PRR14L: variants seen among roughly 807,000 people sequenced by gnomAD.
The protein encoded by PRR14L is proline rich 14 like.
In PRR14L, 80 loss-of-function variants were observed where a neutral mutation model predicts 155.0. The ratio of observed to expected loss-of-function variants is 0.52; its 90% confidence interval spans 0.43 to 0.62. The LOEUF is 0.62. PRR14L is among the 20% of genes least tolerant of loss of function. The pLI, the probability that PRR14L is intolerant of heterozygous loss-of-function variation, is 0.00. For synonymous variants in PRR14L, 883 were observed against 916.0 expected (o/e 0.96, Z 0.65); for missense variants, 2,469 against 2,548.0 (o/e 0.97, Z 0.67).
At chr22:31,725,374 C>A (rs922474009) in intron 3 of PRR14L, among the ~76,000 whole-genome samples, 164 bp downstream of exon 3, 36 of 152,060 alleles carry the variant, frequency 2.4e-4, no homozygotes, top group African/African-American at 8.2e-4. Flanking sequence ...CATCCATGGG[C>A]AATACTAAGA....
At chr22:31,719,893 T>A (rs2074681029) in intron 3 of PRR14L, among the ~76,000 whole-genome samples, 1 of 152,142 alleles carries the variant, frequency 6.6e-6, no homozygotes, top group African/African-American at 2.4e-5. Context: ...CACGCCACCA[T>A]GTCCGGCTAA....
rs1034084794 is a variant in PRR14L at position 31,713,334 on chromosome 22, C to G, written c.4505G>C (p.Gly1502Ala). ...PRKAQDPSSA[G>A]CDQIHGAFAK... The stretch of plus-strand genomic sequence containing the variant: ...AAAGGCACCATGTATTTGATCACAC[C>G]CAGCAGAGGAGGGGTCTTGTGCTTT... The change falls in exon 4 of 9, where the codon GGG (glycine) becomes GCG (alanine). Residue 1502 changes from glycine to alanine, a missense_variant. Around this residue, in one of 2 missense-constraint regions of PRR14L, gnomAD observed 2,363 missense variants for 2,371.6 expected, o/e 1.00. Coordinates refer to ENST00000327423, the MANE Select transcript of PRR14L (RefSeq NM_173566.3). The G allele has an allele frequency of 1.3e-6, 2 of 1,552,214 alleles. No individual in the cohort carries two copies. Among genetic ancestry groups the G allele is most frequent in the African/African-American group, 2.7e-5 (2 of 73,130 alleles).
intron 2 of PRR14L, among the ~76,000 whole-genome samples, chr22:31,730,812 G>A (rs2074745177): frequency 6.6e-6 from 1 of 152,060 alleles, no homozygotes; most frequent in Non-Finnish European, 1.5e-5. Context: ...TATATTAATT[G>A]GAATTCTGTA....
intron 7 of PRR14L, among the ~76,000 whole-genome samples, chr22:31,693,462 T>C (rs2074521014): frequency 6.6e-6 from 1 of 152,234 alleles, no homozygotes; most frequent in African/African-American, 2.4e-5. Context: ...AGACAGTTTA[T>C]TCATTCAGCT....
In PRR14L at chr22:31,715,906, T is replaced by G; in HGVS notation, c.1933A>C (p.Lys645Gln). The change falls in exon 4 of 9, where the codon AAA becomes CAA. Residue 645 changes from lysine (K) to glutamine (Q), a missense_variant. Physicochemically the swap from Lys to Gln is moderately conservative, Grantham distance 53 (BLOSUM62 1). Transcript: ENST00000327423. ...TTTAAAACACATTCACTTTCTACTT[T>G]GTTTACAACCAGTTCATTGGTACAA... ...LSCTNELVVN[K>Q]VESECVLNQQ... 1 of 1,551,724 alleles carries G rather than the reference T, an allele frequency of 6.4e-7. No individual in the cohort carries two copies. Among genetic ancestry groups the G allele is most frequent in the Non-Finnish European group, 8.7e-7 (1 of 1,146,934 alleles).
At position 31,716,872 on chromosome 22, in the gene PRR14L, G is replaced by A. The variant is rs556031900; in HGVS notation, c.967C>T (p.Pro323Ser). Reference sequence around the variant, plus strand: ...GTGGGACTATCATGTGTAGAACTGGGTTGTTCATTATGGTGGCCATGAAGC... The same window carrying A: ...GTGGGACTATCATGTGTAGAACTGGATTGTTCATTATGGTGGCCATGAAGC... ...QQLHGHHNEQ[P>S]SSTHDSPTAT... is the part of the protein sequence containing the mutation. Residue 323 changes from proline (P) to serine (S), a missense_variant, in exon 4 of 9, where the codon CCC becomes TCC. Pro to Ser is a moderately conservative substitution (Grantham distance 74). This residue lies in a region of PRR14L where 2,363 missense variants were observed against 2,371.6 expected (regional missense o/e 1.00). Transcript: ENST00000327423. 184 of 1,551,854 alleles carry A rather than the reference G, an allele frequency of 1.2e-4. No homozygotes were observed. Among genetic ancestry groups the A allele is most frequent in the Non-Finnish European group, 1.5e-4 (170 of 1,147,070 alleles).
Position 31,681,527 on chromosome 22 carries a change from G to A in PRR14L, c.*4000C>T, listed in dbSNP as rs893467668. 1 of 152,076 alleles carries A rather than the reference G, an allele frequency of 6.6e-6. No homozygotes were observed. Among genetic ancestry groups the A allele is most frequent in the Admixed American group, 6.6e-5 (1 of 15,254 alleles). 9.4% of individuals were successfully genotyped at this position (152,076 alleles called of 1,614,324 possible). ...TGATAATATATAAACATGTCAGGCAGCTATTTTTACTGGCCCAGACCAGCC... is the reference window on the plus strand; with the variant it reads ...TGATAATATATAAACATGTCAGGCAACTATTTTTACTGGCCCAGACCAGCC... On this transcript the variant is annotated 3_prime_UTR_variant, in exon 9 of 9. Transcript: ENST00000327423.
intron 7 of PRR14L, among the ~76,000 whole-genome samples, chr22:31,693,484 T>C (rs1942504737): frequency 6.6e-6 from 1 of 152,238 alleles, no homozygotes; most frequent in South Asian, 2.1e-4. Flanking sequence ...CTGACGGACA[T>C]CTTGGTTGCT....
intron 4 of PRR14L, among the ~76,000 whole-genome samples, chr22:31,709,305 T>C (rs1275062755): frequency 1.3e-5 from 2 of 149,416 alleles, no homozygotes. Flanking sequence ...CAGGCTAGAG[T>C]GCGATGGCAC....
At chr22:31,698,844 C>T (rs1249027604) in intron 7 of PRR14L, among the ~76,000 whole-genome samples, 1 of 150,532 alleles carries the variant, frequency 6.6e-6, no homozygotes, top group Non-Finnish European at 1.5e-5. Context: ...ATGGCGTGAA[C>T]CTGGGAGGCG....
Position 31,712,508 on chromosome 22 carries a change from T to C in PRR14L, c.5331A>G (p.Thr1777=). 6.4e-7 allele frequency: 1 copy of C among 1,551,932 alleles called. No individual in the cohort carries two copies. The highest frequency in any genetic ancestry group is 8.7e-7 in the Non-Finnish European group (1 of 1,147,058). Residue 1777 remains threonine (T), a synonymous_variant, in exon 4 of 9, where the codon ACA becomes ACG. Coordinates refer to ENST00000327423, the MANE Select transcript of PRR14L (RefSeq NM_173566.3). ...TATGGACGCCAGTGTCTTCCCTGAA[T>C]GTTGCCATCCCAGGGCAACCGTGGG... ...FLSHGCPGMA[T]FREDTGVHSQ... is the part of the protein sequence containing the mutation.
intron 1 of PRR14L, among the ~76,000 whole-genome samples, chr22:31,741,199 G>A (rs1398482621): frequency 6.9e-6 from 1 of 144,620 alleles, no homozygotes; most frequent in Non-Finnish European, 1.5e-5. Context: ...CTTGCAGTGA[G>A]CCGAGATTGC....
chr22:31,719,644 C>A (rs889310288), intron 3 of PRR14L, among the ~76,000 whole-genome samples: 2 of 152,048 alleles, frequency 1.3e-5, no homozygotes, highest in Admixed American at 6.6e-5. Flanking sequence ...CTTCCCTATC[C>A]ATTTCTCAAT....
chr22:31,726,547 A>T (rs2074717667), intron 2 of PRR14L, among the ~76,000 whole-genome samples: 2 of 152,192 alleles, frequency 1.3e-5, no homozygotes, highest in Admixed American at 1.3e-4. Context: ...GATTAAAGGC[A>T]TGAGACACCG....
At chr22:31,717,926 A>AT (rs531724278) in intron 3 of PRR14L, among the ~76,000 whole-genome samples, 2,992 of 134,484 alleles carry the variant, frequency 0.022, 60 homozygotes, top group African/African-American at 0.038. Flanking sequence ...CCCCCAGCTA[A>AT]TTTTTTTTTT....
chr22:31,725,545 C>G lies in PRR14L; in HGVS notation c.540G>C (p.Arg180Ser). Residue 180 changes from arginine to serine, a missense_variant, in exon 3 of 9, where the codon AGG becomes AGC. Around this residue, in one of 2 missense-constraint regions of PRR14L, gnomAD observed 2,363 missense variants for 2,371.6 expected, o/e 1.00. Transcript: ENST00000327423. ...SHVDLPEDFL[R>S]SKEGNVQITA... ...TTTGAGAGAAATAAATACCTTTGCT[C>G]CTTAGAAAATCTTCAGGGAGGTCCA... is the stretch of plus-strand genomic sequence containing the variant. 1 of 1,547,070 alleles carries G rather than the reference C, an allele frequency of 6.5e-7. No individual in the cohort carries two copies. The highest frequency in any genetic ancestry group is 8.7e-7 in the Non-Finnish European group (1 of 1,142,864).
intron 8 of PRR14L, among the ~76,000 whole-genome samples, chr22:31,687,573 C>T (rs1397652129): frequency 4.7e-5 from 7 of 148,884 alleles, no homozygotes; most frequent in African/African-American, 9.9e-5. Flanking sequence ...AGGCTGGTCT[C>T]GAACTCCTGA....
At chr22:31,740,271 G>C (rs1206759416) in intron 1 of PRR14L, among the ~76,000 whole-genome samples, 1 of 151,994 alleles carries the variant, frequency 6.6e-6, no homozygotes, top group African/African-American at 2.4e-5. Flanking sequence ...CCAGGCTGGA[G>C]TGCAGTGGCA....
chr22:31,729,244 C>T (rs992931919), intron 2 of PRR14L, among the ~76,000 whole-genome samples: 5 of 152,198 alleles, frequency 3.3e-5, no homozygotes, highest in African/African-American at 1.2e-4. Flanking sequence ...CGAAGTCTCG[C>T]TCTGTCGCCC....
Sources: gnomAD v4.1 joint callset for allele counts (sites outside exome capture counted in the v4.1 genomes callset) on GRCh38, gnomAD v4.1.1 for gene constraint, gnomAD v4.1.1 regional missense constraint, MANE v1.5 for transcripts, NCBI Gene and HGNC (gene_info 2026-07-23, HGNC 2026-07-21) for gene names.